RYR2: variants seen among roughly 807,000 people sequenced by gnomAD.
RYR2 encodes ryanodine receptor 2.
RYR2 carries 227 observed loss-of-function variants against 601.1 expected under a neutral mutation model. The ratio of observed to expected loss-of-function variants is 0.38; its 90% CI spans 0.34 to 0.42. The LOEUF (loss-of-function observed/expected upper bound fraction) is 0.42. RYR2 is among the 10% of genes least tolerant of loss of function. The pLI, the probability that RYR2 is intolerant of heterozygous loss-of-function variation, is 1.00. For synonymous variants in RYR2, 2,223 were observed against 2,175.1 expected (o/e 1.02, Z -0.61); for missense variants, 4,646 against 6,156.5 (o/e 0.75, Z 8.21).
intron 6 of RYR2, among the ~76,000 whole-genome samples, chr1:237,370,895 G>C (rs564620774): frequency 1.3e-5 from 2 of 152,194 alleles, no homozygotes; most frequent in African/African-American, 4.8e-5. Flanking sequence ...CTCCTGACCT[G>C]GTGATCCGCC....
At chr1:237,126,166 G>T (rs1299178112) in intron 1 of RYR2, among the ~76,000 whole-genome samples, 1 of 151,926 alleles carries the variant, frequency 6.6e-6, no homozygotes, top group Non-Finnish European at 1.5e-5. Context: ...GAACCAGGGA[G>T]GCAGAGGTTG....
chr1:237,812,254 AT>A (rs556583879), intron 100 of RYR2, among the ~76,000 whole-genome samples: 250 of 152,278 alleles, frequency 1.6e-3, no homozygotes, highest in African/African-American at 5.7e-3. Context: ...AACTTCATTC[AT>A]GCTTCTGTCA....
chr1:237,619,296 TAGAA>T lies in RYR2; in HGVS notation c.5916+1813_5916+1816del, dbSNP rs370015768. On this transcript the variant is annotated intron_variant, in intron 38 of 104. Transcript: ENST00000366574. ...TAATTCCTTCAAAATGGAAAAGAAATAGAAAGCCTCAACGGCAGAGAAACAAAAT... is the reference window on the plus strand; with the variant it reads ...TAATTCCTTCAAAATGGAAAAGAAATAGCCTCAACGGCAGAGAAACAAAAT... Among the ~76,000 whole-genome samples the T allele has an allele frequency of 3.5e-3, 528 of 152,014 alleles. 6 individuals are homozygous for T. Among genetic ancestry groups the T allele is most frequent in the African/African-American group, 0.012 (505 of 41,502 alleles).
chr1:237,743,626 A>G (rs768639256), intron 80 of RYR2: 2 of 518,842 alleles, frequency 3.9e-6, no homozygotes, highest in Non-Finnish European at 7.7e-6. Flanking sequence ...GCAGCAAGGT[A>G]AAACTATATA....
chr1:237,420,520 G>GATACTGTTGGCCTTT lies in RYR2; in HGVS notation c.849-2572_849-2571insATACTGTTGGCCTTT, dbSNP rs200704973. Among the ~76,000 whole-genome samples the GATACTGTTGGCCTTT allele has an allele frequency of 8.5e-3, 1,299 of 152,146 alleles. 26 individuals are homozygous for GATACTGTTGGCCTTT. The highest frequency in any genetic ancestry group is 0.03 in the African/African-American group (1,248 of 41,498). ...TTACTACATATGATTTTCTTGCCTT[G>GATACTGTTGGCCTTT]CCCTCTCATTTGGGAGGAGGTGGGG... On this transcript the variant is annotated intron_variant, in intron 11 of 104. Coordinates refer to ENST00000366574, the MANE Select transcript of RYR2 (RefSeq NM_001035.3).
chr1:237,500,673 A>G (rs1228942520), intron 20 of RYR2, 38 bp from the exon 21 acceptor site: 1 of 1,518,976 alleles, frequency 6.6e-7, no homozygotes, highest in Admixed American at 2.1e-5. Flanking sequence ...CTGAGATAAA[A>G]AAATACATGA....
chr1:237,387,276 T>C lies in RYR2; in HGVS notation c.577-5T>C, dbSNP rs1237631846. ...AGTGATGCCTCCTTTTGCCTCTTGA[T>C]ACAGCACTTGTCTTATGGCAACGGC... is the stretch of plus-strand genomic sequence containing the variant. On this transcript the variant is annotated splice_polypyrimidine_tract_variant and splice_region_variant and intron_variant, in intron 8 of 104. Coordinates refer to ENST00000366574, the MANE Select transcript of RYR2 (RefSeq NM_001035.3). The C allele has an allele frequency of 5.6e-6, 9 of 1,613,886 alleles. No individual in the cohort carries two copies. Among genetic ancestry groups the C allele is most frequent in the Non-Finnish European group, 7.6e-6 (9 of 1,179,778 alleles).
chr1:237,082,082 T>C (rs1041422463), intron 1 of RYR2, among the ~76,000 whole-genome samples: 5 of 152,162 alleles, frequency 3.3e-5, no homozygotes, highest in African/African-American at 9.7e-5. Flanking sequence ...AATCTCAGTT[T>C]GCTATGATCT....
intron 1 of RYR2, among the ~76,000 whole-genome samples, chr1:237,258,219 A>G (rs1208265174): frequency 1.3e-5 from 2 of 151,838 alleles, no homozygotes; most frequent in East Asian, 1.9e-4. Context: ...GGCTTTGCAC[A>G]TCTGAGGAGC....
At chr1:237,546,148 G>C (rs1270731475) in intron 25 of RYR2, among the ~76,000 whole-genome samples, 1 of 151,832 alleles carries the variant, frequency 6.6e-6, no homozygotes, top group Non-Finnish European at 1.5e-5. Flanking sequence ...TTCCCACATG[G>C]CTTCTTTATT....
At position 237,728,251 on chromosome 1, in the gene RYR2, G is replaced by C. The variant is rs574688794; in HGVS notation, c.10838+1052G>C. The stretch of plus-strand genomic sequence containing the variant: ...ACATCATACTTTTCCCTTTTGCTAA[G>C]ACAGCTGTATTTCTTGCCATCGTGT... On this transcript the variant is annotated intron_variant, in intron 76 of 104. Transcript: ENST00000366574. Among the ~76,000 whole-genome samples, 86 of 152,168 alleles carry C rather than the reference G, an allele frequency of 5.7e-4. 1 individual carries two copies. The highest frequency in any genetic ancestry group is 2.0e-3 in the African/African-American group (83 of 41,520).
At chr1:237,558,143 C>T (rs1421910885) in intron 27 of RYR2, among the ~76,000 whole-genome samples, 1 of 152,024 alleles carries the variant, frequency 6.6e-6, no homozygotes, top group African/African-American at 2.4e-5. Context: ...GGATTGGCCT[C>T]CTGTAAAAGG....
intron 29 of RYR2, among the ~76,000 whole-genome samples, chr1:237,586,902 T>C (rs999947453): frequency 3.9e-5 from 6 of 151,972 alleles, no homozygotes; most frequent in African/African-American, 1.5e-4. Context: ...ATATTTTTAG[T>C]AAAGAAGGGT....
chr1:237,731,448 A>G (rs551987909), intron 77 of RYR2, among the ~76,000 whole-genome samples: 32 of 152,314 alleles, frequency 2.1e-4, no homozygotes, highest in Middle Eastern at 6.8e-3. Flanking sequence ...AGTATTATTT[A>G]CGTATCATGC....
intron 25 of RYR2, among the ~76,000 whole-genome samples, chr1:237,542,179 C>T (rs1038652994): frequency 1.3e-5 from 2 of 152,028 alleles, no homozygotes; most frequent in South Asian, 2.1e-4. Flanking sequence ...CCGCAAGCTC[C>T]GCCTCCCGGG....
intron 10 of RYR2, among the ~76,000 whole-genome samples, chr1:237,401,507 A>G (rs1303125248): frequency 6.7e-6 from 1 of 150,174 alleles, no homozygotes; most frequent in African/African-American, 2.5e-5. Flanking sequence ...TAAAGGCTAC[A>G]CATCAGACCA....
rs181278300 is a variant in RYR2, at chr1:237,506,401, A to G, written c.2614-309A>G. Among the ~76,000 whole-genome samples, 493 of 152,114 alleles carry G rather than the reference A, an allele frequency of 3.2e-3. 2 individuals carry two copies. Among genetic ancestry groups the G allele is most frequent in the Middle Eastern group, 0.014 (4 of 294 alleles). On this transcript the variant is annotated intron_variant, in intron 22 of 104. Coordinates refer to ENST00000366574, the MANE Select transcript of RYR2 (RefSeq NM_001035.3). ...AAATACAAAAAAATTAGCCGGGCGT[A>G]GTGGTGGGCACCTGCATTCCCAGCT...
In RYR2 at chr1:237,734,678, G is replaced by A. The variant is rs571025571; in HGVS notation, c.11091+922G>A. 2.6e-5 allele frequency among the ~76,000 whole-genome samples: 4 copies of A among 152,288 alleles called. No homozygotes were observed. The South Asian group carries it at 8.3e-4, about 32-fold the overall frequency. The stretch of plus-strand genomic sequence containing the variant: ...AAATTGAGGATAAAAGTGGAGTGAA[G>A]GTTTTGCTAAGGCTTCTCACTTGGG... On this transcript the variant is annotated intron_variant, in intron 79 of 104. Coordinates refer to ENST00000366574, the MANE Select transcript of RYR2 (RefSeq NM_001035.3).
intron 11 of RYR2, among the ~76,000 whole-genome samples, chr1:237,418,756 CTTA>C (rs1214376443): frequency 6.6e-6 from 1 of 151,838 alleles, no homozygotes; most frequent in Non-Finnish European, 1.5e-5. Flanking sequence ...TCTTATATTT[CTTA>C]TGTTAGTCTG....
Sources: allele counts gnomAD v4.1 joint callset (sites outside exome capture counted in the v4.1 genomes callset), GRCh38; gene constraint gnomAD v4.1.1; transcripts MANE v1.5; gene names NCBI Gene and HGNC (gene_info 2026-07-23, HGNC 2026-07-21).